Variants in UTRN observed in about 807,000 individuals in gnomAD.
UTRN encodes dystrophin-related protein 1.
In UTRN, 283 loss-of-function variants were observed where a neutral mutation model predicts 463.9. That is an observed-to-expected ratio of 0.61 (90% CI 0.55 to 0.67). The LOEUF (loss-of-function observed/expected upper bound fraction) is 0.67. Ranked by LOEUF, UTRN falls within the 30% of genes least tolerant of loss-of-function variation. UTRN has a pLI of 0.00. For missense variants in UTRN, 3,922 were observed against 4,084.3 expected (o/e 0.96, Z 1.08); for synonymous variants, 1,442 against 1,431.5 (o/e 1.01, Z -0.17).
At chr6:144,691,383 C>T (rs1422724161) in intron 52 of UTRN, among the ~76,000 whole-genome samples, 1 of 152,248 alleles carries the variant, frequency 6.6e-6, no homozygotes, top group Non-Finnish European at 1.5e-5. Context: ...TTCCAAAGTG[C>T]TAGGGTTACA....
At chr6:144,631,237 G>GT (rs111543509) in intron 51 of UTRN, among the ~76,000 whole-genome samples, 1,629 of 147,508 alleles carry the variant, frequency 0.011, 23 homozygotes, top group African/African-American at 0.03. Context: ...GAGAGAGAGA[G>GT]GTGTGTGTGT....
intron 2 of UTRN, among the ~76,000 whole-genome samples, chr6:144,305,486 G>A (rs1805644580): frequency 6.6e-6 from 1 of 152,220 alleles, no homozygotes; most frequent in African/African-American, 2.4e-5. Flanking sequence ...AAATAATGCT[G>A]ATTTGTGAAC....
intron 32 of UTRN, 72 bp downstream of exon 32, chr6:144,491,174 A>C: frequency 2.1e-6 from 3 of 1,432,646 alleles, no homozygotes; most frequent in Non-Finnish European, 2.8e-6. Context: ...TAGCAAGTAC[A>C]TGCCTAGTGT....
chr6:144,443,757 AT>A (rs1386567314), intron 13 of UTRN, among the ~76,000 whole-genome samples: 2 of 151,994 alleles, frequency 1.3e-5, no homozygotes, highest in Admixed American at 6.6e-5. Context: ...AAATCATTTG[AT>A]TTTTTTATTG....
chr6:144,532,417 A>T (rs938409118), intron 42 of UTRN, among the ~76,000 whole-genome samples: 1 of 152,206 alleles, frequency 6.6e-6, no homozygotes, highest in African/African-American at 2.4e-5. Flanking sequence ...GTCCTTCTTC[A>T]TATGGCGGCA....
intron 36 of UTRN, among the ~76,000 whole-genome samples, chr6:144,514,434 G>T (rs1460985473): frequency 6.6e-6 from 1 of 152,080 alleles, no homozygotes; most frequent in African/African-American, 2.4e-5. Context: ...GTATTCTCCA[G>T]CGAGTCTTAC....
At chr6:144,365,102 T>G (rs1779400489) in intron 2 of UTRN, among the ~76,000 whole-genome samples, 1 of 152,226 alleles carries the variant, frequency 6.6e-6, no homozygotes, top group Non-Finnish European at 1.5e-5. Flanking sequence ...GAAGAAGATG[T>G]ATTATTCTGC....
At position 144,391,883 on chromosome 6, in the gene UTRN, G is replaced by A. The variant is rs143704324; in HGVS notation, c.80-11240G>A. Among the ~76,000 whole-genome samples the A allele has an allele frequency of 8.4e-4, 128 of 152,298 alleles. 4 individuals are homozygous for A. The highest frequency in any genetic ancestry group is 2.9e-3 in the African/African-American group (122 of 41,576). ...TCTCGATCTCCTGACCTCGTGATCT[G>A]CCCTCCTTGGCCTCCCAAAGTGCTG... On this transcript the variant is annotated intron_variant, in intron 2 of 74. Coordinates refer to ENST00000367545, the MANE Select transcript of UTRN (RefSeq NM_007124.3).
chr6:144,792,023 A>C (rs1351001245), intron 62 of UTRN, among the ~76,000 whole-genome samples: 1 of 152,230 alleles, frequency 6.6e-6, no homozygotes, highest in African/African-American at 2.4e-5. Flanking sequence ...ATTTTTGTCT[A>C]TGATAGTCTT....
At chr6:144,474,854 A>G in intron 25 of UTRN, 95 bp downstream of exon 25, 1 of 1,400,104 alleles carries the variant, frequency 7.1e-7, no homozygotes, top group African/African-American at 1.5e-5. Context: ...TCCAGTTTGA[A>G]AAACGATGGT....
intron 51 of UTRN, among the ~76,000 whole-genome samples, chr6:144,637,833 G>A (rs1777342985): frequency 6.6e-6 from 1 of 152,062 alleles, no homozygotes; most frequent in African/African-American, 2.4e-5. Context: ...AATTGCCTAC[G>A]ATAGCCTCCA....
intron 69 of UTRN, among the ~76,000 whole-genome samples, chr6:144,833,029 A>C (rs1780801427): frequency 6.6e-6 from 1 of 152,192 alleles, no homozygotes; most frequent in Non-Finnish European, 1.5e-5. Flanking sequence ...CATGTTGGTC[A>C]GGCTGGTCTC....
chr6:144,527,655 C>G (rs1796679530), intron 41 of UTRN, among the ~76,000 whole-genome samples: 2 of 152,190 alleles, frequency 1.3e-5, no homozygotes, highest in African/African-American at 4.8e-5. Flanking sequence ...TTAACATATT[C>G]CCAAACTTCA....
intron 51 of UTRN, among the ~76,000 whole-genome samples, chr6:144,625,187 A>G (rs995527064): frequency 2.0e-5 from 3 of 152,150 alleles, no homozygotes; most frequent in African/African-American, 7.2e-5. Flanking sequence ...AAACCAGTGA[A>G]TGTAACGTTT....
At chr6:144,459,816 C>T (rs1048613653) in intron 21 of UTRN, among the ~76,000 whole-genome samples, 7 of 151,988 alleles carry the variant, frequency 4.6e-5, no homozygotes, top group Non-Finnish European at 1.0e-4. Context: ...TCTAGAACTC[C>T]TGGGCTCAAG....
At chr6:144,816,619 T>G in intron 65 of UTRN, among the ~76,000 whole-genome samples, 1 of 150,470 alleles carries the variant, frequency 6.6e-6, no homozygotes. Flanking sequence ...TTCCTTCATG[T>G]ATATTTTATT....
rs570951666 is a variant in UTRN at position 144,625,518 on chromosome 6, T to C, written c.7479+48230T>C. Among the ~76,000 whole-genome samples, 9 of 152,366 alleles carry C rather than the reference T, an allele frequency of 5.9e-5. No homozygotes were observed. The South Asian group carries it at 1.0e-3, about 18-fold the overall frequency. On this transcript the variant is annotated intron_variant, in intron 51 of 74. Transcript: ENST00000367545. Reference sequence around the variant, plus strand: ...TGAAAGAATTTTGTTTATTTTGGCATGTAAAGAATACTGGTCTAAAATCAC... The same window carrying C: ...TGAAAGAATTTTGTTTATTTTGGCACGTAAAGAATACTGGTCTAAAATCAC...
At chr6:144,655,122 G>A (rs187759589) in intron 51 of UTRN, among the ~76,000 whole-genome samples, 278 of 152,318 alleles carry the variant, frequency 1.8e-3, no homozygotes, top group Non-Finnish European at 3.3e-3. Context: ...AATTCTTTGC[G>A]TACAAAGCAT....
At chr6:144,633,269 A>C (rs529595960) in intron 51 of UTRN, among the ~76,000 whole-genome samples, 4 of 130,154 alleles carry the variant, frequency 3.1e-5, no homozygotes, top group African/African-American at 9.2e-5. Context: ...TTGCTCTGTC[A>C]CCCAGGCTGA....
Sources: allele counts gnomAD v4.1 joint callset (sites outside exome capture counted in the v4.1 genomes callset), GRCh38; gene constraint gnomAD v4.1.1; transcripts MANE v1.5; gene names NCBI Gene and HGNC (gene_info 2026-07-23, HGNC 2026-07-21).